Variants in PRKG1 observed in about 807,000 individuals in gnomAD.
PRKG1 encodes cGMP-dependent protein kinase 1.
In PRKG1, 35 loss-of-function variants were observed where a neutral mutation model predicts 88.1. The observed-to-expected ratio is 0.40, with a 90% CI of 0.30 to 0.53. PRKG1 has a LOEUF of 0.53. PRKG1 is among the 20% of genes least tolerant of loss of function. The pLI, the probability that PRKG1 is intolerant of heterozygous loss-of-function variation, is 0.59. For synonymous variants in PRKG1, 303 were observed against 292.5 expected, an observed-to-expected ratio of 1.04 and a Z score of -0.37; for missense variants, 540 against 839.8, an observed-to-expected ratio of 0.64 and a Z score of 4.41.
At chr10:51,816,484 C>A (rs1439091910) in intron 4 of PRKG1, among the ~76,000 whole-genome samples, 1 of 151,108 alleles carries the variant, frequency 6.6e-6, no homozygotes, top group African/African-American at 2.4e-5. Context: ...CTTGGAAGTG[C>A]ATTGCTATAA....
intron 7 of PRKG1, among the ~76,000 whole-genome samples, chr10:52,108,870 A>G (rs1230308570): frequency 9.7e-6 from 1 of 103,496 alleles, no homozygotes; most frequent in Non-Finnish European, 1.9e-5. Flanking sequence ...TCTGTCGCCC[A>G]AGTTGGAGTG....
intron 8 of PRKG1, among the ~76,000 whole-genome samples, chr10:52,138,167 C>T (rs1393049756): frequency 1.3e-5 from 2 of 151,890 alleles, no homozygotes; most frequent in African/African-American, 4.8e-5. Flanking sequence ...ATGTCTCTCC[C>T]ACTCCTCTTC....
chr10:52,152,321 C>G (rs1197542713), intron 8 of PRKG1, among the ~76,000 whole-genome samples: 1 of 152,060 alleles, frequency 6.6e-6, no homozygotes, highest in Non-Finnish European at 1.5e-5. Flanking sequence ...AGAAGCTAGA[C>G]TAGGTGCCTG....
chr10:51,421,605 T>G (rs1838418325), intron 2 of PRKG1, among the ~76,000 whole-genome samples: 1 of 152,176 alleles, frequency 6.6e-6, no homozygotes, highest in African/African-American at 2.4e-5. Flanking sequence ...GTAGATGAAC[T>G]GAACTCGCCT....
chr10:51,145,571 G>C (rs908034148), intron 1 of PRKG1, among the ~76,000 whole-genome samples: 4 of 152,116 alleles, frequency 2.6e-5, no homozygotes, highest in African/African-American at 7.2e-5. Context: ...AGCTTGATCT[G>C]GATTCTTTTG....
At chr10:51,872,486 T>G (rs186130934) in intron 4 of PRKG1, among the ~76,000 whole-genome samples, 31 of 152,324 alleles carry the variant, frequency 2.0e-4, no homozygotes, top group African/African-American at 7.0e-4. Flanking sequence ...TTCAATAAAC[T>G]GAATTTGGTT....
intron 2 of PRKG1, among the ~76,000 whole-genome samples, chr10:51,400,181 G>C (rs1837698052): frequency 6.6e-6 from 1 of 152,110 alleles, no homozygotes; most frequent in Non-Finnish European, 1.5e-5. Flanking sequence ...CAATGATTAA[G>C]ACAGACAACG....
intron 3 of PRKG1, among the ~76,000 whole-genome samples, chr10:51,707,848 A>G (rs1841647793): frequency 6.6e-6 from 1 of 152,216 alleles, no homozygotes. Context: ...ATGATCCTTG[A>G]AAAACATTAT....
chr10:50,998,051 T>C (rs977876731), intron 1 of PRKG1, among the ~76,000 whole-genome samples: 2 of 152,192 alleles, frequency 1.3e-5, no homozygotes, highest in African/African-American at 4.8e-5. Context: ...GATCACAGCA[T>C]CTTATAGTTT....
intron 2 of PRKG1, among the ~76,000 whole-genome samples, chr10:51,211,854 A>G (rs1022310185): frequency 2.0e-5 from 3 of 152,328 alleles, no homozygotes; most frequent in South Asian, 2.1e-4. Flanking sequence ...ATGCTCATGG[A>G]TAGGAAGAAT....
intron 3 of PRKG1, among the ~76,000 whole-genome samples, chr10:51,541,907 T>C (rs1842312952): frequency 6.6e-6 from 1 of 152,156 alleles, no homozygotes; most frequent in Admixed American, 6.6e-5. Flanking sequence ...AACTTATTAA[T>C]TTTTAGCAGC....
intron 7 of PRKG1, among the ~76,000 whole-genome samples, chr10:52,129,658 C>T (rs1227182732): frequency 6.6e-6 from 1 of 152,108 alleles, no homozygotes; most frequent in African/African-American, 2.4e-5. Flanking sequence ...ATGAATAATT[C>T]TCTATTGTTA....
At chr10:52,167,581 T>G (rs1488837235) in intron 9 of PRKG1, among the ~76,000 whole-genome samples, 4 of 151,914 alleles carry the variant, frequency 2.6e-5, no homozygotes, top group Admixed American at 6.6e-5. Context: ...GCCTTGTTGA[T>G]TCAATGTATT....
chr10:51,978,204 T>C (rs1329442590), intron 5 of PRKG1, among the ~76,000 whole-genome samples: 2 of 149,312 alleles, frequency 1.3e-5, no homozygotes, highest in Non-Finnish European at 3.0e-5. Flanking sequence ...CAGCACCATT[T>C]ATTGAATAGG....
chr10:51,666,870 C>T (rs1840435089), intron 3 of PRKG1, among the ~76,000 whole-genome samples: 1 of 152,114 alleles, frequency 6.6e-6, no homozygotes, highest in Admixed American at 6.6e-5. Context: ...TCTCAGCTCA[C>T]TGCATCCTCC....
chr10:51,442,715 T>A (rs293246), intron 2 of PRKG1, among the ~76,000 whole-genome samples: 53,312 of 151,854 alleles, frequency 0.35, 10,454 homozygotes, highest in African/African-American at 0.51. Flanking sequence ...CATGTCTTCA[T>A]TTATTGACAA....
At chr10:51,604,200 C>T (rs929793223) in intron 3 of PRKG1, among the ~76,000 whole-genome samples, 1 of 151,540 alleles carries the variant, frequency 6.6e-6, no homozygotes, top group Non-Finnish European at 1.5e-5. Context: ...GTATTCCAAG[C>T]CTTTAAAAGA....
chr10:52,239,246 C>G (rs1257050326), intron 9 of PRKG1, among the ~76,000 whole-genome samples: 4 of 138,762 alleles, frequency 2.9e-5, no homozygotes, highest in Admixed American at 2.2e-4. Context: ...GGGTGCAGCG[C>G]ACCGGCATGG....
At chr10:51,750,230 C>A (rs1049010509) in intron 3 of PRKG1, among the ~76,000 whole-genome samples, 1 of 152,148 alleles carries the variant, frequency 6.6e-6, no homozygotes, top group African/African-American at 2.4e-5. Context: ...GCCACTGTGC[C>A]TGGCCTGTCA....
Sources: allele counts gnomAD v4.1 joint callset (sites outside exome capture counted in the v4.1 genomes callset), GRCh38; gene constraint gnomAD v4.1.1; transcripts MANE v1.5; gene names NCBI Gene and HGNC (gene_info 2026-07-23, HGNC 2026-07-21).